The following CRISPLD1 variants were observed in gnomAD, a reference collection of about 807,000 sequenced individuals.
The protein encoded by CRISPLD1 is cysteine-rich secretory protein LCCL domain-containing 1.
In CRISPLD1, 60 loss-of-function variants were observed where a neutral mutation model predicts 77.5. The ratio of observed to expected loss-of-function variants is 0.77; its 90% CI spans 0.63 to 0.96. The LOEUF is 0.96. CRISPLD1 is among the 40% of genes least tolerant of loss of function. CRISPLD1 has a pLI of 0.00. For missense variants in CRISPLD1, 623 were observed against 615.8 expected (o/e 1.01, Z -0.12); for synonymous variants, 195 against 200.1 (o/e 0.97, Z 0.22).
intron 2 of CRISPLD1, among the ~76,000 whole-genome samples, chr8:75,007,415 C>T (rs1048098180): frequency 1.3e-5 from 2 of 148,554 alleles, no homozygotes; most frequent in Admixed American, 6.6e-5. Context: ...CTTATTCGAG[C>T]ACCATAGCAG....
chr8:75,004,751 A>T (rs143803796), intron 2 of CRISPLD1, among the ~76,000 whole-genome samples: 1 of 152,270 alleles, frequency 6.6e-6, no homozygotes, highest in East Asian at 1.9e-4. Context: ...CAGTATTTTT[A>T]AAAAGATAAT....
At chr8:75,029,222 C>A (rs766505120) in intron 13 of CRISPLD1, among the ~76,000 whole-genome samples, 165 bp from the exon 14 acceptor site, 1 of 152,156 alleles carries the variant, frequency 6.6e-6, no homozygotes, top group African/African-American at 2.4e-5. Flanking sequence ...GACTTTGTGA[C>A]GTTTCAAACA....
chr8:75,022,905 T>G (rs1813162859), intron 12 of CRISPLD1, among the ~76,000 whole-genome samples: 1 of 152,104 alleles, frequency 6.6e-6, no homozygotes, highest in Admixed American at 6.5e-5. Flanking sequence ...TTGGTGGCTA[T>G]GTAGTAATTA....
At chr8:75,002,536 T>C (rs964482590) in intron 2 of CRISPLD1, among the ~76,000 whole-genome samples, 4 of 151,516 alleles carry the variant, frequency 2.6e-5, no homozygotes, top group Admixed American at 1.3e-4. Flanking sequence ...TGCAGAGTTG[T>C]GGGCAGGATT....
chr8:75,014,787 T>C, intron 5 of CRISPLD1, 25 bp from the exon 6 acceptor site: 1 of 1,515,122 alleles, frequency 6.6e-7, no homozygotes, highest in South Asian at 1.1e-5. Context: ...GACTACTTTT[T>C]AATAGAGCGT....
At chr8:75,002,755 A>G (rs1812767029) in intron 2 of CRISPLD1, among the ~76,000 whole-genome samples, 1 of 152,106 alleles carries the variant, frequency 6.6e-6, no homozygotes, top group Non-Finnish European at 1.5e-5. Flanking sequence ...AAATCTAACC[A>G]GGAGCCAGGG....
In CRISPLD1 at chr8:75,015,384, T is replaced by C. The variant is rs1813010358; in HGVS notation, c.727+472T>C. Among the ~76,000 whole-genome samples, 3 of 152,316 alleles carry C rather than the reference T, an allele frequency of 2.0e-5. No homozygotes were observed. In the South Asian group the frequency reaches 6.2e-4, roughly 32 times the overall value. ...TTCTCACTGCACACTATTCAATTTG[T>C]CATGCTAAAATAATAAGAAAAGTAT... On this transcript the variant is annotated intron_variant, in intron 6 of 14. Transcript: ENST00000262207.
At position 75,019,921 on chromosome 8, in the gene CRISPLD1, C is replaced by T; in HGVS notation, c.1171+8C>T. ...CAGTCTCTAAAGTAACAGGTTAGCA[C>T]ATTCTTCATCTTATTTTCTTAGTAC... On this transcript the variant is annotated splice_region_variant and intron_variant, in intron 11 of 14. Coordinates refer to ENST00000262207, the MANE Select transcript of CRISPLD1 (RefSeq NM_031461.6). The T allele has an allele frequency of 1.2e-6, 2 of 1,612,520 alleles. No homozygotes were observed. Among genetic ancestry groups the T allele is most frequent in the South Asian group, 1.1e-5 (1 of 91,042 alleles).
At chr8:75,004,241 C>T (rs997515058) in intron 2 of CRISPLD1, among the ~76,000 whole-genome samples, 2 of 152,106 alleles carry the variant, frequency 1.3e-5, no homozygotes, top group African/African-American at 2.4e-5. Flanking sequence ...ATCTGAGCCT[C>T]GTGCATTTTC....
intron 2 of CRISPLD1, among the ~76,000 whole-genome samples, chr8:75,011,991 G>T (rs17368778): frequency 6.6e-6 from 1 of 152,062 alleles, no homozygotes; most frequent in Non-Finnish European, 1.5e-5. Flanking sequence ...TTATAAAGCT[G>T]GATTGTGAAG....
chr8:75,015,546 G>T (rs1813012920), intron 6 of CRISPLD1, among the ~76,000 whole-genome samples: 1 of 152,146 alleles, frequency 6.6e-6, no homozygotes, highest in Admixed American at 6.6e-5. Context: ...ATGCACTTGT[G>T]CATTCAAGTG....
chr8:75,024,342 T>C (rs1813196500), intron 12 of CRISPLD1, among the ~76,000 whole-genome samples: 1 of 152,092 alleles, frequency 6.6e-6, no homozygotes. Context: ...TTGTTTTGTT[T>C]TGAGATGGAG....
At chr8:75,023,263 G>A (rs1266254873) in intron 12 of CRISPLD1, among the ~76,000 whole-genome samples, 3 of 152,146 alleles carry the variant, frequency 2.0e-5, no homozygotes, top group Non-Finnish European at 4.4e-5. Context: ...CAAACCAGCA[G>A]CTGAATATGG....
At chr8:75,012,835 GT>G (rs1158605643) in intron 3 of CRISPLD1, 54 bp from the exon 4 acceptor site, 2 of 1,562,006 alleles carry the variant, frequency 1.3e-6, no homozygotes, top group African/African-American at 2.7e-5. Context: ...GCAATATTTA[GT>G]TTTGTATTTT....
intron 2 of CRISPLD1, among the ~76,000 whole-genome samples, chr8:75,003,219 A>G (rs1386468856): frequency 6.6e-6 from 1 of 152,214 alleles, no homozygotes; most frequent in Admixed American, 6.5e-5. Context: ...CATTAAAAGT[A>G]TGTAAATATA....
At chr8:74,998,657 C>T (rs1180813018) in intron 2 of CRISPLD1, among the ~76,000 whole-genome samples, 1 of 133,304 alleles carries the variant, frequency 7.5e-6, no homozygotes, top group Non-Finnish European at 1.5e-5. Context: ...CACTGCACTC[C>T]TGCCTGGGCA....
In CRISPLD1 at chr8:74,994,698, T is replaced by G. The variant is rs540900507; in HGVS notation, c.258+8453T>G. Among the ~76,000 whole-genome samples, 15 of 152,242 alleles carry G rather than the reference T, an allele frequency of 9.9e-5. No individual in the cohort carries two copies. The East Asian group carries it at 2.9e-3, about 29-fold the overall frequency. ...AAAACAGAAAATGAGAACTTTTACATGAGAAGTAGAACAGGAAACTGTCCA... is the reference window on the plus strand; with the variant it reads ...AAAACAGAAAATGAGAACTTTTACAGGAGAAGTAGAACAGGAAACTGTCCA... On this transcript the variant is annotated intron_variant, in intron 2 of 14. Transcript: ENST00000262207.
chr8:74,986,534 A>G (rs1334819825), intron 2 of CRISPLD1, among the ~76,000 whole-genome samples: 1 of 152,164 alleles, frequency 6.6e-6, no homozygotes, highest in African/African-American at 2.4e-5. Flanking sequence ...CAGCTGGTAT[A>G]TTTGCTGTTA....
At chr8:75,022,078 C>G (rs1449818722) in intron 12 of CRISPLD1, among the ~76,000 whole-genome samples, 1 of 152,060 alleles carries the variant, frequency 6.6e-6, no homozygotes, top group Non-Finnish European at 1.5e-5. Flanking sequence ...AAACAAGCTC[C>G]CTATTTCTTG....
Sources: gnomAD v4.1 joint callset for allele counts (sites outside exome capture counted in the v4.1 genomes callset) on GRCh38, gnomAD v4.1.1 for gene constraint, MANE v1.5 for transcripts, NCBI Gene and HGNC (gene_info 2026-07-23, HGNC 2026-07-21) for gene names.